RSRP1: variants seen among roughly 807,000 people sequenced by gnomAD.
The protein encoded by RSRP1 is arginine and serine rich protein 1, also known as arginine/serine-rich protein 1.
In RSRP1, 37 loss-of-function variants were observed where a neutral mutation model predicts 33.0. The ratio of observed to expected loss-of-function variants is 1.12; its 90% confidence interval spans 0.86 to 1.48. The LOEUF (loss-of-function observed/expected upper bound fraction) is 1.48. Ranked by LOEUF, RSRP1 falls within the 40% of genes most tolerant of loss-of-function variation. RSRP1 has a pLI of 0.00. For missense variants in RSRP1, 402 were observed against 385.3 expected, an observed-to-expected ratio of 1.04 and a Z score of -0.36; for synonymous variants, 167 against 158.7, an observed-to-expected ratio of 1.05 and a Z score of -0.40.
At chr1:25,284,249 C>CTAA (rs1173864510) in intron 1 of RSRP1, among the ~76,000 whole-genome samples, 2 of 136,120 alleles carry the variant, frequency 1.5e-5, no homozygotes, top group Non-Finnish European at 3.5e-5. Flanking sequence ...AGCACGTGTG[C>CTAA]TTTACACTTG....
intron 1 of RSRP1, among the ~76,000 whole-genome samples, chr1:25,318,736 G>A (rs1214369349): frequency 7.5e-6 from 1 of 132,912 alleles, no homozygotes; most frequent in African/African-American, 2.6e-5. Context: ...GACACTATGA[G>A]TTGTGTGACG....
chr1:25,321,275 C>T (rs1644682973), intron 1 of RSRP1, among the ~76,000 whole-genome samples: 1 of 124,792 alleles, frequency 8.0e-6, no homozygotes, highest in African/African-American at 2.7e-5. Flanking sequence ...CCCTTTTACT[C>T]CATCTGGGGA....
At position 25,331,488 on chromosome 1, in the gene RSRP1, T is replaced by A. The variant is rs1478644746; in HGVS notation, c.-67+6490A>T. On this transcript the variant is annotated intron_variant, in intron 1 of 1. Coordinates refer to the RSRP1 transcript ENST00000561867. ...GATAATTTCGTGATTACTGTCCTTA[T>A]GCATAAACGTCCTCAGTGTTCCACT... Among the ~76,000 whole-genome samples the A allele has an allele frequency of 2.3e-5, 3 of 131,846 alleles. 1 individual carries two copies. The highest frequency in any genetic ancestry group is 5.4e-5 in the Non-Finnish European group (3 of 55,848). 86.5% of individuals were successfully genotyped at this position (131,846 alleles called of 152,430 possible). A position where few individuals can be genotyped will look rare whatever the true frequency, so the allele number is the denominator to read the frequency against.
intron 1 of RSRP1, among the ~76,000 whole-genome samples, chr1:25,261,531 A>G (rs2744926): frequency 6.7e-6 from 1 of 149,718 alleles, no homozygotes; most frequent in Non-Finnish European, 1.5e-5. Flanking sequence ...CAGTCTCCCG[A>G]GTAGCTGGGC....
chr1:25,257,295 T>A (rs541288614), intron 1 of RSRP1, among the ~76,000 whole-genome samples: 1 of 152,344 alleles, frequency 6.6e-6, no homozygotes, highest in East Asian at 1.9e-4. Flanking sequence ...TTTTAATGTG[T>A]GTTTCCTCCC....
intron 1 of RSRP1, among the ~76,000 whole-genome samples, chr1:25,289,910 A>G (rs1642344825): frequency 7.7e-6 from 1 of 130,146 alleles, no homozygotes; most frequent in Non-Finnish European, 1.8e-5. Flanking sequence ...GGAAGGAAGG[A>G]ATCATAATAG....
intron 1 of RSRP1, chr1:25,336,520 G>A (rs551942485): frequency 2.0e-5 from 3 of 147,094 alleles, no homozygotes; most frequent in Non-Finnish European, 4.4e-5. Context: ...AATTAAGCAT[G>A]TATCTTATTA....
At chr1:25,243,869 A>G in intron 3 of RSRP1, 1 of 1,244,224 alleles carries the variant, frequency 8.0e-7, no homozygotes, top group Non-Finnish European at 1.0e-6. Context: ...AATTTAAACT[A>G]ATTTTTTAAT....
intron 1 of RSRP1, chr1:25,253,372 TTTTG>T (rs896888523): frequency 2.7e-4 from 41 of 152,862 alleles, no homozygotes; most frequent in South Asian, 2.1e-3. Context: ...TGTTTTGTTT[TTTTG>T]TTTGTTTGTT....
chr1:25,323,574 C>A (rs1211786849), intron 1 of RSRP1, among the ~76,000 whole-genome samples: 2 of 125,796 alleles, frequency 1.6e-5, no homozygotes, highest in African/African-American at 5.5e-5. Context: ...ATCCTCCCCC[C>A]TCAGCCTCCT....
chr1:25,282,753 G>A lies in RSRP1; in HGVS notation c.-66-35724C>T, dbSNP rs1278871155. ...CAGCTTGGCCAAAAATTAGCCAGGC[G>A]TGGTGGCGCGCGCCTGTGGTTCCCA... On this transcript the variant is annotated intron_variant, in intron 1 of 1. Transcript: ENST00000561867. Among the ~76,000 whole-genome samples, 3 of 130,188 alleles carry A rather than the reference G, an allele frequency of 2.3e-5. 1 individual carries two copies. The highest frequency in any genetic ancestry group is 7.5e-5 in the Admixed American group (1 of 13,368). 85.4% of individuals were successfully genotyped at this position (130,188 alleles called of 152,430 possible). A position where few individuals can be genotyped will look rare whatever the true frequency, so the allele number is the denominator to read the frequency against.
rs1256352248 is a variant in RSRP1 at position 25,319,929 on chromosome 1, G to C, written c.-67+18049C>G. ...TTTTTCTTTTTTTAGACGCAGTTTT[G>C]CTCTTGTTGCCCAGGCTGGAGTGCA... On this transcript the variant is annotated intron_variant, in intron 1 of 1. Transcript: ENST00000561867. Among the ~76,000 whole-genome samples, 3 of 130,162 alleles carry C rather than the reference G, an allele frequency of 2.3e-5. No homozygotes were observed. In the East Asian group the frequency reaches 5.9e-4, roughly 25 times the overall value. The allele number at this position is 130,162 out of a possible 152,430, so 85.4% of individuals were successfully genotyped here.
rs1250941570 is a variant in RSRP1, at chr1:25,311,058, A to G, written c.-67+26920T>C. ...TGAGGGCTTAAAGGAAGACCCCAGA[A>G]CTAGGGAAAGTCTGGAACTTCTTAA... On this transcript the variant is annotated intron_variant, in intron 1 of 1. Transcript: ENST00000561867. Among the ~76,000 whole-genome samples, 2 of 132,122 alleles carry G rather than the reference A, an allele frequency of 1.5e-5. 1 individual carries two copies. Among genetic ancestry groups the G allele is most frequent in the Non-Finnish European group, 3.6e-5 (2 of 55,854 alleles). The allele number at this position is 132,122 out of a possible 152,430, so 86.7% of individuals were successfully genotyped here.
At position 25,300,037 on chromosome 1, in the gene RSRP1, G is replaced by T. The variant is rs140644196; in HGVS notation, c.-67+37941C>A. Among the ~76,000 whole-genome samples the T allele has an allele frequency of 3.3e-3, 427 of 131,254 alleles. 81 individuals carry two copies. Among genetic ancestry groups the T allele is most frequent in the Middle Eastern group, 0.013 (3 of 240 alleles). The allele number at this position is 131,254 out of a possible 152,430, so 86.1% of individuals were successfully genotyped here. On this transcript the variant is annotated intron_variant, in intron 1 of 1. Transcript: ENST00000561867. The stretch of plus-strand genomic sequence containing the variant: ...AGTGCTGGGATTACAGGCAAAATTA[G>T]AATATATCTAGAATTTCCTGAAGAC...
intron 1 of RSRP1, chr1:25,290,684 G>T: frequency 7.3e-7 from 1 of 1,378,594 alleles, no homozygotes; most frequent in East Asian, 2.2e-5. Flanking sequence ...GCTGATCTCA[G>T]TGGATGCTGT....
rs373959394 is a variant in RSRP1 at position 25,260,346 on chromosome 1, AT to A, written c.-66-13318del. On this transcript the variant is annotated intron_variant, in intron 1 of 1. Transcript: ENST00000561867. ...TTACATACAGAAAATGTGACTGTGAATTTTTTCTAGGACTTTTAAACTATAA... is the reference window on the plus strand; with the variant it reads ...TTACATACAGAAAATGTGACTGTGAATTTTTCTAGGACTTTTAAACTATAA... Among the ~76,000 whole-genome samples, 23 of 152,314 alleles carry A rather than the reference AT, an allele frequency of 1.5e-4. No individual in the cohort carries two copies. In the East Asian group the frequency reaches 2.3e-3, roughly 15 times the overall value.
chr1:25,322,108 C>G lies in RSRP1; in HGVS notation c.-67+15870G>C, dbSNP rs555391165. Reference sequence around the variant, plus strand: ...ATTGCAGGAGGAACTAGAGGAGAAACAAATCCATGATATGCATGTGTGTGG... The same window carrying G: ...ATTGCAGGAGGAACTAGAGGAGAAAGAAATCCATGATATGCATGTGTGTGG... On this transcript the variant is annotated intron_variant, in intron 1 of 1. Transcript: ENST00000561867. 23 of 488,652 alleles carry G rather than the reference C, an allele frequency of 4.7e-5. 1 individual carries two copies. Among genetic ancestry groups the G allele is most frequent in the Middle Eastern group, 7.5e-4 (2 of 2,680 alleles). The allele number at this position is 488,652 out of a possible 1,614,324, so 30.3% of individuals were successfully genotyped here. A position where few individuals can be genotyped will look rare whatever the true frequency, so the allele number is the denominator to read the frequency against.
In RSRP1 at chr1:25,271,688, C is replaced by T. The variant is rs1392459032; in HGVS notation, c.-66-24659G>A. Among the ~76,000 whole-genome samples the T allele has an allele frequency of 1.5e-4, 20 of 132,270 alleles. 2 individuals carry two copies. Among genetic ancestry groups the T allele is most frequent in the African/African-American group, 4.6e-4 (18 of 38,778 alleles). 86.8% of individuals were successfully genotyped at this position (132,270 alleles called of 152,430 possible). On this transcript the variant is annotated intron_variant, in intron 1 of 1. Coordinates refer to the RSRP1 transcript ENST00000561867. The stretch of plus-strand genomic sequence containing the variant: ...TGCAGGGTTAGAACTAAGTCCCAAG[C>T]CCCCTAAAGCTCATGCCAGGGGACT...
chr1:25,286,819 C>T (rs1642055690), intron 1 of RSRP1, among the ~76,000 whole-genome samples: 1 of 133,286 alleles, frequency 7.5e-6, no homozygotes, highest in East Asian at 1.9e-4. Context: ...TTAGGCCAGG[C>T]GCGGTGGTTC....
Sources: allele counts gnomAD v4.1 joint callset (sites outside exome capture counted in the v4.1 genomes callset), GRCh38; gene constraint gnomAD v4.1.1; transcripts MANE v1.5; gene names NCBI Gene and HGNC (gene_info 2026-07-23, HGNC 2026-07-21).